DNHD1: variants seen among roughly 807,000 people sequenced by gnomAD.
The protein encoded by DNHD1 is dynein heavy chain domain-containing protein 1.
Under a neutral mutation model 458.1 loss-of-function variants are expected in DNHD1, and 383 were observed. That is an observed-to-expected ratio of 0.84 (90% CI 0.77 to 0.91). The LOEUF is 0.91. Ranked by LOEUF, DNHD1 falls within the 40% of genes least tolerant of loss-of-function variation. The pLI, the probability that DNHD1 is intolerant of heterozygous loss-of-function variation, is 0.00. For missense variants in DNHD1, 5,336 were observed against 5,866.1 expected, an observed-to-expected ratio of 0.91 and a Z score of 2.95; for synonymous variants, 2,203 against 2,376.9, an observed-to-expected ratio of 0.93 and a Z score of 2.13.
intron 18 of DNHD1, among the ~76,000 whole-genome samples, chr11:6,542,515 C>T (rs761293282): frequency 2.0e-5 from 3 of 152,164 alleles, no homozygotes; most frequent in Non-Finnish European, 2.9e-5. Context: ...CTAGCATTTG[C>T]ACCAAGCACT....
intron 13 of DNHD1, 45 bp from the exon 14 acceptor site, chr11:6,533,636 A>G: frequency 1.3e-6 from 2 of 1,512,160 alleles, no homozygotes; most frequent in Non-Finnish European, 1.8e-6. Flanking sequence ...CCAAAGAGGT[A>G]CATGGGGTTG....
intron 7 of DNHD1, 28 bp downstream of exon 7, chr11:6,511,457 C>T (rs1386596941): frequency 6.2e-7 from 1 of 1,607,308 alleles, no homozygotes; most frequent in African/African-American, 1.3e-5. Context: ...TATTGTGGAC[C>T]TCTTCCCCAA....
Position 6,570,917 on chromosome 11 carries a change from C to T in DNHD1, c.13405C>T (p.Pro4469Ser), listed in dbSNP as rs758806211. The change falls in exon 42 of 43, where the codon CCG becomes TCG. Residue 4469 changes from proline to serine, a missense_variant. Pro to Ser is a moderately conservative substitution (Grantham distance 74, BLOSUM62 -1). Coordinates refer to ENST00000254579, the MANE Select transcript of DNHD1 (RefSeq NM_144666.3). ...GATTCGCCAAGACGAGTCCGACGCC[C>T]CGTGGTCAGTGCTGGGGCCAAATGC... Reference protein sequence around the residue: ...HVIRQDESDAPWSVLGPNARR... With the variant: ...HVIRQDESDASWSVLGPNARR... The T allele has an allele frequency of 1.2e-6, 2 of 1,613,250 alleles. No homozygotes were observed. Among genetic ancestry groups the T allele is most frequent in the Admixed American group, 1.7e-5 (1 of 60,020 alleles).
intron 4 of DNHD1, among the ~76,000 whole-genome samples, chr11:6,504,435 C>T (rs142870734): frequency 0.012 from 1,755 of 152,260 alleles, 16 homozygotes; most frequent in Non-Finnish European, 0.017. Context: ...GGTCTTTCAC[C>T]CTGGCAGCAG....
Position 6,546,753 on chromosome 11 carries a change from C to A in DNHD1, c.5814C>A (p.Ser1938Arg). Residue 1938 changes from serine to arginine, a missense_variant, in exon 21 of 43, where the codon AGC (serine) becomes AGA (arginine). Physicochemically the swap from Ser to Arg is moderately radical, Grantham distance 110. This residue lies in a region of DNHD1 where 3,932 missense variants were observed against 4,365.6 expected (regional missense o/e 0.90). Coordinates refer to ENST00000254579, the MANE Select transcript of DNHD1 (RefSeq NM_144666.3). Reference protein sequence around the residue: ...LRGLLCALFPSASQVLAEPMT... With the variant: ...LRGLLCALFPRASQVLAEPMT... ...GGCTGTTGTGTGCGCTTTTCCCTAGCGCCAGCCAAGTGCTGGCAGAACCTA... is the reference window on the plus strand; with the variant it reads ...GGCTGTTGTGTGCGCTTTTCCCTAGAGCCAGCCAAGTGCTGGCAGAACCTA... 1.3e-6 allele frequency: 2 copies of A among 1,551,772 alleles called. No homozygotes were observed. Among genetic ancestry groups the A allele is most frequent in the Non-Finnish European group, 1.7e-6 (2 of 1,146,998 alleles).
At chr11:6,534,754 A>T (rs1294493723) in intron 14 of DNHD1, among the ~76,000 whole-genome samples, 1 of 152,156 alleles carries the variant, frequency 6.6e-6, no homozygotes, top group South Asian at 2.1e-4. Flanking sequence ...CAGAGCAAAT[A>T]TAAGAGCCAT....
intron 6 of DNHD1, 122 bp downstream of exon 6, chr11:6,509,394 C>G: frequency 1.3e-6 from 1 of 770,416 alleles, no homozygotes; most frequent in Non-Finnish European, 2.0e-6. Context: ...ACCTTTAATC[C>G]TACCAACCAC....
chr11:6,513,701 A>G (rs1464749098), intron 7 of DNHD1, among the ~76,000 whole-genome samples: 1 of 152,204 alleles, frequency 6.6e-6, no homozygotes, highest in African/African-American at 2.4e-5. Flanking sequence ...TGGTGGACAT[A>G]AGCATTTATT....
chr11:6,553,774 A>G (rs1169549681), intron 24 of DNHD1, among the ~76,000 whole-genome samples: 4 of 152,196 alleles, frequency 2.6e-5, no homozygotes, highest in Non-Finnish European at 5.9e-5. Context: ...ATACTTAGGA[A>G]TAAATTTAAT....
chr11:6,549,751 G>C (rs1242337274), intron 24 of DNHD1, among the ~76,000 whole-genome samples: 1 of 152,194 alleles, frequency 6.6e-6, no homozygotes, highest in Non-Finnish European at 1.5e-5. Flanking sequence ...GGAGATTTAT[G>C]AGAACAGAGA....
At position 6,570,883 on chromosome 11, in the gene DNHD1, G is replaced by A. The variant is rs567123026; in HGVS notation, c.13371G>A (p.Leu4457=). 9.9e-6 allele frequency: 16 copies of A among 1,613,858 alleles called. No individual in the cohort carries two copies. The highest frequency in any genetic ancestry group is 1.3e-5 in the Non-Finnish European group (15 of 1,179,854). Residue 4457 remains leucine (L), a synonymous_variant, in exon 42 of 43, where the codon CTG becomes CTA. Transcript: ENST00000254579. ...NRRLESLQDL[L]THVIRQDESD... Reference sequence around the variant, plus strand: ...GGCTGGAGTCACTGCAGGATCTGCTGACCCACGTGATTCGCCAAGACGAGT... The same window carrying A: ...GGCTGGAGTCACTGCAGGATCTGCTAACCCACGTGATTCGCCAAGACGAGT...
intron 12 of DNHD1, among the ~76,000 whole-genome samples, chr11:6,530,922 T>A (rs1386559529): frequency 7.0e-6 from 1 of 142,694 alleles, no homozygotes. Flanking sequence ...GAGGAGCAGG[T>A]GGAGAGAAAT....
intron 7 of DNHD1, among the ~76,000 whole-genome samples, chr11:6,513,886 C>T (rs964379928): frequency 6.6e-6 from 1 of 152,068 alleles, no homozygotes. Context: ...TTCTGTCGCC[C>T]AGGCTGGAAT....
chr11:6,500,560 G>A (rs950549020), intron 3 of DNHD1, among the ~76,000 whole-genome samples: 1 of 152,234 alleles, frequency 6.6e-6, no homozygotes, highest in African/African-American at 2.4e-5. Flanking sequence ...GCTGCCCTGT[G>A]CCTTGAGTAC....
Position 6,498,009 on chromosome 11 carries a change from C to T in DNHD1, c.-207C>T. The T allele has an allele frequency of 1.5e-6, 1 of 664,766 alleles. No individual in the cohort carries two copies. Among genetic ancestry groups the T allele is most frequent in the Non-Finnish European group, 2.6e-6 (1 of 387,088 alleles). The allele number at this position is 664,766 out of a possible 1,614,324, so 41.2% of individuals were successfully genotyped here. ...CTGGTCTGGCTCTGCTCTGTAGCTC[C>T]ATCTATTTCCCTGTCCCAGGTCCTT... is the stretch of plus-strand genomic sequence containing the variant. On this transcript the variant is annotated 5_prime_UTR_variant, in exon 3 of 43. Transcript: ENST00000254579.
Position 6,519,705 on chromosome 11 carries a change from C to G in DNHD1, c.1498C>G (p.His500Asp). The G allele has an allele frequency of 6.2e-7, 1 of 1,614,168 alleles. No individual in the cohort carries two copies. Among genetic ancestry groups the G allele is most frequent in the South Asian group, 1.1e-5 (1 of 91,082 alleles). Residue 500 changes from histidine (H) to aspartate (D), a missense_variant, in exon 8 of 43, where the codon CAC becomes GAC. By Grantham distance (81) the His-to-Asp change is moderately conservative (BLOSUM62 -1). This residue lies in a region of DNHD1 where 3,932 missense variants were observed against 4,365.6 expected (regional missense o/e 0.90). Transcript: ENST00000254579. The part of the protein sequence containing the change: ...QGSIYLQRVQ[H>D]KQLEQKLKQA... ...CTCCATATACCTTCAGAGGGTACAGCACAAGCAACTGGAGCAGAAGCTGAA... is the reference window on the plus strand; with the variant it reads ...CTCCATATACCTTCAGAGGGTACAGGACAAGCAACTGGAGCAGAAGCTGAA...
In DNHD1 at chr11:6,548,931, C is replaced by T; in HGVS notation, c.7385C>T (p.Ser2462Phe). ...FLLEDLHLAT[S>F]DPEKSCQPVL... ...CTGGAGGACCTGCACCTAGCCACTT[C>T]TGGTGAGGAGCTGCGAAGAGGGAAG... The change falls in exon 24 of 43, where the codon TCT (serine) becomes TTT (phenylalanine). Residue 2462 changes from serine (S) to phenylalanine (F), a missense_variant and splice_region_variant. Physicochemically the swap from Ser to Phe is radical, Grantham distance 155. This residue lies in a region of DNHD1 where 3,932 missense variants were observed against 4,365.6 expected (regional missense o/e 0.90). Coordinates refer to ENST00000254579, the MANE Select transcript of DNHD1 (RefSeq NM_144666.3). This position sits in a 1 kb window ranked among gnomAD's most constrained non-coding sequence, Gnocchi z 4.4. 2 of 1,551,530 alleles carry T rather than the reference C, an allele frequency of 1.3e-6. No individual in the cohort carries two copies. The highest frequency in any genetic ancestry group is 1.7e-6 in the Non-Finnish European group (2 of 1,146,916).
chr11:6,565,720 G>C lies in DNHD1; in HGVS notation c.10782G>C (p.Lys3594Asn). 6.5e-7 allele frequency: 1 copy of C among 1,549,116 alleles called. No homozygotes were observed. Among genetic ancestry groups the C allele is most frequent in the East Asian group, 2.4e-5 (1 of 40,910 alleles). ...GGAAAGGCCTCATGAGAAATCAAAA[G>C]AGAGAGAGTAAAACGGACATGAAAG... ...GRGKGLMRNQ[K>N]RESKTDMKEE... Residue 3594 changes from lysine (K) to asparagine (N), a missense_variant, in exon 33 of 43, where the codon AAG (lysine) becomes AAC (asparagine). By Grantham distance (94) the Lys-to-Asn change is moderately conservative. Coordinates refer to ENST00000254579, the MANE Select transcript of DNHD1 (RefSeq NM_144666.3).
At chr11:6,541,492 G>T (rs1443835512) in intron 18 of DNHD1, among the ~76,000 whole-genome samples, 4 of 152,222 alleles carry the variant, frequency 2.6e-5, no homozygotes, top group African/African-American at 9.6e-5. Context: ...GCGAGTTTCA[G>T]TTCAGTTAGG....
Sources: allele counts gnomAD v4.1 joint callset (sites outside exome capture counted in the v4.1 genomes callset), GRCh38; gene constraint gnomAD v4.1.1; regional missense constraint gnomAD v4.1.1; non-coding constraint Gnocchi (gnomAD v3.1); transcripts MANE v1.5; gene names NCBI Gene and HGNC (gene_info 2026-07-23, HGNC 2026-07-21).